Variants in CRAMP1 observed in about 807,000 individuals in gnomAD.
CRAMP1 encodes the protein cramped chromatin regulator 1.
A neutral mutation model predicts 115.4 loss-of-function variants in CRAMP1; 50 were observed. The ratio of observed to expected loss-of-function variants is 0.43; its 90% CI spans 0.35 to 0.55. The LOEUF (loss-of-function observed/expected upper bound fraction) is 0.55, where lower values mean the gene tolerates loss of function less well. Among genes scored for constraint, CRAMP1 ranks in the 20% least tolerant of loss-of-function variants. The pLI is 0.01. For missense variants in CRAMP1, 1,679 were observed against 1,721.7 expected (o/e 0.98, Z 0.44); for synonymous variants, 866 against 745.4 (o/e 1.16, Z -2.64).
At chr16:1,632,804 C>T (rs2036557577) in intron 4 of CRAMP1, among the ~76,000 whole-genome samples, 1 of 152,228 alleles carries the variant, frequency 6.6e-6, no homozygotes, top group Admixed American at 6.5e-5. Context: ...CACTGGGACC[C>T]AGGTCTGCGT....
chr16:1,635,135 A>G (rs904478237), intron 4 of CRAMP1, among the ~76,000 whole-genome samples: 2 of 152,126 alleles, frequency 1.3e-5, no homozygotes, highest in Admixed American at 6.5e-5. Flanking sequence ...TGAGCTCAGG[A>G]AATCCACCTG....
intron 2 of CRAMP1, 129 bp from the exon 3 acceptor site, chr16:1,625,844 C>T (rs907694285): frequency 3.3e-6 from 3 of 916,452 alleles, no homozygotes; most frequent in Admixed American, 5.7e-5. Flanking sequence ...TGCTGCCTGC[C>T]AGCATCCTCG....
chr16:1,616,728 A>G (rs1190022358), intron 2 of CRAMP1, among the ~76,000 whole-genome samples: 1 of 151,950 alleles, frequency 6.6e-6, no homozygotes, highest in African/African-American at 2.4e-5. Context: ...GGGACTTTTC[A>G]TTAAGTTTTA....
At chr16:1,618,499 A>C (rs888150695) in intron 2 of CRAMP1, among the ~76,000 whole-genome samples, 6 of 152,238 alleles carry the variant, frequency 3.9e-5, no homozygotes, top group Non-Finnish European at 8.8e-5. Flanking sequence ...ATGAGAGAAC[A>C]CTGGGGGTGG....
At position 1,671,987 on chromosome 16, in the gene CRAMP1, A is replaced by G. The variant is rs2036926933; in HGVS notation, c.3645+1178A>G. ...AATCATTATTCAGGGCACACCTTGGACTCTGATGTTTCCCGAGAAGCCAGT... is the reference window on the plus strand; with the variant it reads ...AATCATTATTCAGGGCACACCTTGGGCTCTGATGTTTCCCGAGAAGCCAGT... On this transcript the variant is annotated intron_variant, in intron 20 of 20. Transcript: ENST00000397412. This position sits in a 1 kb window ranked among gnomAD's most constrained non-coding sequence, Gnocchi z 5.0. 6.6e-6 allele frequency among the ~76,000 whole-genome samples: 1 copy of G among 151,998 alleles called. No homozygotes were observed. Among genetic ancestry groups the G allele is most frequent in the Admixed American group, 6.6e-5 (1 of 15,264 alleles).
intron 5 of CRAMP1, among the ~76,000 whole-genome samples, 185 bp from the exon 6 acceptor site, chr16:1,640,954 G>A (rs910553177): frequency 6.6e-6 from 1 of 152,216 alleles, no homozygotes; most frequent in Admixed American, 6.5e-5. Flanking sequence ...GGCGACCAGG[G>A]CAGCTGACTC....
chr16:1,647,127 G>A (rs2036681953), intron 6 of CRAMP1: 1 of 697,438 alleles, frequency 1.4e-6, no homozygotes, highest in South Asian at 1.5e-5. Context: ...AAGCGATTGG[G>A]GTATTTGACT....
chr16:1,646,125 A>G (rs2036672345), intron 6 of CRAMP1, among the ~76,000 whole-genome samples: 1 of 152,152 alleles, frequency 6.6e-6, no homozygotes, highest in Non-Finnish European at 1.5e-5. Flanking sequence ...TCACCTGCTG[A>G]GTCATGTTCC....
intron 4 of CRAMP1, among the ~76,000 whole-genome samples, chr16:1,634,374 G>A (rs748508688): frequency 5.9e-5 from 9 of 152,150 alleles, no homozygotes; most frequent in Non-Finnish European, 1.3e-4. Context: ...TTCTAATTGT[G>A]TCACCTTTCC....
Position 1,662,697 on chromosome 16 carries a change from G to A in CRAMP1, c.2595+26G>A, listed in dbSNP as rs202136282. Reference sequence around the variant, plus strand: ...GTGAGTGTGTGGGGCCGGGCCGCCCGCGTGCGAGCGTCCCCGTGGTCTGGA... The same window carrying A: ...GTGAGTGTGTGGGGCCGGGCCGCCCACGTGCGAGCGTCCCCGTGGTCTGGA... On this transcript the variant is annotated intron_variant, in intron 12 of 20. Transcript: ENST00000397412. 151 of 1,613,736 alleles carry A rather than the reference G, an allele frequency of 9.4e-5. 2 individuals are homozygous for A. In the East Asian group the frequency reaches 2.3e-3, roughly 25 times the overall value.
chr16:1,673,899 G>A lies in CRAMP1; in HGVS notation c.3664G>A (p.Val1222Met). The A allele has an allele frequency of 1.2e-6, 2 of 1,613,840 alleles. No individual in the cohort carries two copies. The highest frequency in any genetic ancestry group is 1.7e-6 in the Non-Finnish European group (2 of 1,179,866). Residue 1222 changes from valine (V) to methionine (M), a missense_variant, in exon 21 of 21, where the codon GTG becomes ATG. By Grantham distance (21) the Val-to-Met change is conservative. This residue lies in a region of CRAMP1 where 709 missense variants were observed against 741.9 expected (regional missense o/e 0.96). Coordinates refer to ENST00000397412, the MANE Select transcript of CRAMP1 (RefSeq NM_020825.4). ...CCTGCAGGTTGTGGATTCCCAGCTG[G>A]TGTGCATGATGAACGAAAACAGCAT... ...DVAEVVDSQL[V>M]CMMNENSIDY...
chr16:1,613,405 G>A (rs2036380228), intron 1 of CRAMP1, among the ~76,000 whole-genome samples: 1 of 152,184 alleles, frequency 6.6e-6, no homozygotes, highest in Admixed American at 6.5e-5. Context: ...CCGCGTCCCT[G>A]TATTTCGTGG....
chr16:1,620,690 CG>C (rs777993345), intron 2 of CRAMP1: 1 of 456,632 alleles, frequency 2.2e-6, no homozygotes, highest in South Asian at 1.5e-5. Flanking sequence ...GCGTGCCTTT[CG>C]GTGAGTCATT....
chr16:1,620,310 C>T (rs1213661521), intron 2 of CRAMP1, among the ~76,000 whole-genome samples: 1 of 152,178 alleles, frequency 6.6e-6, no homozygotes, highest in Admixed American at 6.5e-5. Flanking sequence ...ATGCTGCAGA[C>T]GTAGGCCATG....
chr16:1,630,169 G>T lies in CRAMP1; in HGVS notation c.541-2043G>T, dbSNP rs551734118. On this transcript the variant is annotated intron_variant, in intron 3 of 20. Coordinates refer to ENST00000397412, the MANE Select transcript of CRAMP1 (RefSeq NM_020825.4). ...TGATTTAAAAAACATCTTTTTTTGA[G>T]AGTCAGTCTTGCTTTGTCACCTAGG... is the stretch of plus-strand genomic sequence containing the variant. Among the ~76,000 whole-genome samples the T allele has an allele frequency of 1.2e-4, 18 of 152,068 alleles. No homozygotes were observed. In the East Asian group the frequency reaches 2.9e-3, roughly 24 times the overall value.
At chr16:1,629,756 T>C (rs2036534607) in intron 3 of CRAMP1, among the ~76,000 whole-genome samples, 1 of 152,224 alleles carries the variant, frequency 6.6e-6, no homozygotes, top group African/African-American at 2.4e-5. Context: ...CTTCGCCTCT[T>C]TATGCTTTAT....
At chr16:1,655,197 C>G in intron 8 of CRAMP1, 22 bp from the exon 9 acceptor site, 1 of 1,599,814 alleles carries the variant, frequency 6.3e-7, no homozygotes, top group Non-Finnish European at 8.6e-7. Flanking sequence ...ACCTCACTTC[C>G]TCCTGTCTGT....
In CRAMP1 at chr16:1,612,576, GGGGCTGCCCGGCCCGGCTGGTTCTGC is replaced by G. The variant is rs1444124367; in HGVS notation, c.-78_-53del. 1.3e-5 allele frequency among the ~76,000 whole-genome samples: 2 copies of G among 151,860 alleles called. No homozygotes were observed. Among genetic ancestry groups the G allele is most frequent in the African/African-American group, 4.8e-5 (2 of 41,400 alleles). On this transcript the variant is annotated 5_prime_UTR_variant, in exon 1 of 21. Coordinates refer to ENST00000397412, the MANE Select transcript of CRAMP1 (RefSeq NM_020825.4). ...TCCCTGCAGCCGGCGCTCGGGGGCC[GGGGCTGCCCGGCCCGGCTGGTTCTGC>G]GGGCACCCGGGGAGGCCCCGGGAAG... is the stretch of plus-strand genomic sequence containing the variant.
chr16:1,622,136 ACTTC>A (rs2036470200), intron 2 of CRAMP1, among the ~76,000 whole-genome samples: 1 of 152,124 alleles, frequency 6.6e-6, no homozygotes, highest in Admixed American at 6.5e-5. Context: ...CAGTGAAGCC[ACTTC>A]TGCATCTGAA....
Sources: allele counts gnomAD v4.1 joint callset (sites outside exome capture counted in the v4.1 genomes callset), GRCh38; gene constraint gnomAD v4.1.1; regional missense constraint gnomAD v4.1.1; non-coding constraint Gnocchi (gnomAD v3.1); transcripts MANE v1.5; gene names NCBI Gene and HGNC (gene_info 2026-07-23, HGNC 2026-07-21).